BCAR3: variants seen among roughly 807,000 people sequenced by gnomAD.
The protein encoded by BCAR3 is breast cancer anti-estrogen resistance protein 3.
A neutral mutation model predicts 80.1 loss-of-function variants in BCAR3; 37 were observed. The ratio of observed to expected loss-of-function variants is 0.46; its 90% CI spans 0.36 to 0.61. The LOEUF (loss-of-function observed/expected upper bound fraction) is 0.61, where lower values mean the gene tolerates loss of function less well. BCAR3 is among the 20% of genes least tolerant of loss of function. The pLI, the probability that BCAR3 is intolerant of heterozygous loss-of-function variation, is 0.00. For missense variants in BCAR3, 978 were observed against 1,068.2 expected, an observed-to-expected ratio of 0.92 and a Z score of 1.18; for synonymous variants, 389 against 418.9, an observed-to-expected ratio of 0.93 and a Z score of 0.87.
chr1:93,658,191 G>T (rs1281499687), intron 2 of BCAR3, among the ~76,000 whole-genome samples: 1 of 151,870 alleles, frequency 6.6e-6, no homozygotes, highest in Non-Finnish European at 1.5e-5. Context: ...CGCCCGCCTC[G>T]GCCTCCCAAA....
chr1:93,591,952 G>C (rs1300105439), intron 4 of BCAR3, among the ~76,000 whole-genome samples: 1 of 152,188 alleles, frequency 6.6e-6, no homozygotes, highest in African/African-American at 2.4e-5. Flanking sequence ...CTGGGCCACA[G>C]CCCGCCCTCC....
intron 3 of BCAR3, among the ~76,000 whole-genome samples, chr1:93,608,674 G>C (rs866969099): frequency 2.0e-5 from 3 of 152,176 alleles, no homozygotes; most frequent in Middle Eastern, 3.2e-3. Context: ...TCCAGGGTCT[G>C]CTAGGGAACC....
intron 2 of BCAR3, among the ~76,000 whole-genome samples, chr1:93,736,039 C>A (rs915228752): frequency 6.6e-6 from 1 of 152,164 alleles, no homozygotes; most frequent in Admixed American, 6.5e-5. Flanking sequence ...CTTGGAGCAT[C>A]TGGGAGAGAG....
intron 10 of BCAR3, 37 bp downstream of exon 10, chr1:93,567,703 C>G: frequency 6.4e-7 from 1 of 1,570,298 alleles, no homozygotes; most frequent in South Asian, 1.1e-5. Context: ...CACTCCCCAG[C>G]GGGGTAGCCC....
intron 3 of BCAR3, among the ~76,000 whole-genome samples, chr1:93,600,134 C>T (rs927672417): frequency 1.3e-5 from 2 of 152,216 alleles, no homozygotes; most frequent in Non-Finnish European, 2.9e-5. Context: ...ACAGAATCAA[C>T]GAGCTTCTAA....
At chr1:93,739,413 G>A (rs779493137) in intron 2 of BCAR3, among the ~76,000 whole-genome samples, 7 of 152,134 alleles carry the variant, frequency 4.6e-5, no homozygotes, top group Non-Finnish European at 7.4e-5. Context: ...AAAAGAACTA[G>A]TAATGACTGA....
intron 3 of BCAR3, among the ~76,000 whole-genome samples, chr1:93,623,637 C>G (rs576958676): frequency 6.6e-6 from 1 of 152,266 alleles, no homozygotes; most frequent in African/African-American, 2.4e-5. Flanking sequence ...GACTAAGGTC[C>G]TAAAAATGTT....
intron 3 of BCAR3, among the ~76,000 whole-genome samples, chr1:93,695,233 C>T (rs1246658582): frequency 6.6e-6 from 1 of 152,176 alleles, no homozygotes; most frequent in Non-Finnish European, 1.5e-5. Context: ...CTCAGGAACG[C>T]TCAGATTAAT....
chr1:93,803,894 G>C (rs1653577135), intron 2 of BCAR3, among the ~76,000 whole-genome samples: 1 of 152,198 alleles, frequency 6.6e-6, no homozygotes, highest in African/African-American at 2.4e-5. Context: ...ATATGCTATT[G>C]ATGTATATAG....
intron 2 of BCAR3, among the ~76,000 whole-genome samples, chr1:93,724,526 A>C (rs1231003515): frequency 6.6e-6 from 1 of 152,232 alleles, no homozygotes; most frequent in Non-Finnish European, 1.5e-5. Flanking sequence ...AAGGGGGTGC[A>C]TCAAAGGATC....
chr1:93,714,393 T>A (rs941724928), intron 2 of BCAR3, among the ~76,000 whole-genome samples: 2 of 152,216 alleles, frequency 1.3e-5, no homozygotes, highest in African/African-American at 4.8e-5. Context: ...TATTGACTAC[T>A]GTGTTCTTGG....
intron 2 of BCAR3, among the ~76,000 whole-genome samples, chr1:93,741,823 G>A (rs991254710): frequency 6.6e-6 from 1 of 152,128 alleles, no homozygotes; most frequent in Admixed American, 6.5e-5. Flanking sequence ...CACCCGCCTT[G>A]GCCTCCCAAA....
chr1:93,662,362 T>C (rs780684635), intron 2 of BCAR3, among the ~76,000 whole-genome samples: 1 of 152,236 alleles, frequency 6.6e-6, no homozygotes, highest in Non-Finnish European at 1.5e-5. Flanking sequence ...CTTTCATTTG[T>C]AATGAATGGT....
intron 2 of BCAR3, among the ~76,000 whole-genome samples, chr1:93,760,793 C>A (rs1004966677): frequency 6.6e-6 from 1 of 152,108 alleles, no homozygotes; most frequent in African/African-American, 2.4e-5. Context: ...GTAGAAAGGT[C>A]CCAGGAGAGA....
intron 2 of BCAR3, among the ~76,000 whole-genome samples, chr1:93,767,747 A>C (rs573117686): frequency 6.6e-6 from 1 of 152,292 alleles, no homozygotes; most frequent in Non-Finnish European, 1.5e-5. Flanking sequence ...ACTTGTCTCT[A>C]ATCCTAATGT....
At chr1:93,758,704 T>C (rs1373074741) in intron 2 of BCAR3, among the ~76,000 whole-genome samples, 1 of 152,214 alleles carries the variant, frequency 6.6e-6, no homozygotes, top group Non-Finnish European at 1.5e-5. Flanking sequence ...CTAGGAGTGA[T>C]GTCTGCCTAT....
At chr1:93,734,269 C>A (rs1650901318) in intron 2 of BCAR3, among the ~76,000 whole-genome samples, 1 of 152,226 alleles carries the variant, frequency 6.6e-6, no homozygotes, top group Non-Finnish European at 1.5e-5. Flanking sequence ...TCTTTCAGTG[C>A]AGTGTTCCTC....
chr1:93,780,561 A>C (rs922906709), intron 2 of BCAR3, among the ~76,000 whole-genome samples: 6 of 123,486 alleles, frequency 4.9e-5, no homozygotes, highest in African/African-American at 2.6e-4. Flanking sequence ...CAGGAAGTGA[A>C]GAGGAGAGGA....
At chr1:93,676,670 G>C (rs1294702987) in intron 1 of BCAR3, among the ~76,000 whole-genome samples, 1 of 152,084 alleles carries the variant, frequency 6.6e-6, no homozygotes, top group African/African-American at 2.4e-5. Context: ...TAGCCCCACC[G>C]CCTGAACACA....
Sources: allele counts gnomAD v4.1 joint callset (sites outside exome capture counted in the v4.1 genomes callset), GRCh38; gene constraint gnomAD v4.1.1; transcripts MANE v1.5; gene names NCBI Gene and HGNC (gene_info 2026-07-23, HGNC 2026-07-21).